The following ABCG5 variants were observed in gnomAD, a reference collection of about 807,000 sequenced individuals.
The protein encoded by ABCG5 is ATP binding cassette subfamily G member 5.
Under a neutral mutation model 64.5 loss-of-function variants are expected in ABCG5, and 64 were observed. The observed-to-expected ratio is 0.99, with a 90% CI of 0.81 to 1.22. The LOEUF is 1.22. ABCG5 is among the 50% of genes most tolerant of loss of function. ABCG5 has a pLI of 0.00. For missense variants in ABCG5, 908 were observed against 829.5 expected (o/e 1.09, Z -1.16); for synonymous variants, 385 against 326.3 (o/e 1.18, Z -1.94).
rs780435724 is a variant in ABCG5 at position 43,819,980 on chromosome 2, A to G, written c.1584T>C (p.Asn528=). The G allele has an allele frequency of 9.3e-6, 15 of 1,614,058 alleles. No homozygotes were observed. Among genetic ancestry groups the G allele is most frequent in the South Asian group, 2.2e-5 (2 of 91,086 alleles). The change falls in exon 11 of 13, where the codon AAT becomes AAC. Residue 528 remains asparagine, a synonymous_variant. Transcript: ENST00000405322. ...LVLLGIVQNP[N]IVNSVVALLS... ...GCAGAGCCACTACACTGTTGACTAT[A>G]TTTGGATTTTGGACGATACCAAGTA...
In ABCG5 at chr2:43,824,313, T is replaced by C. The variant is rs1478503425; in HGVS notation, c.1024A>G (p.Ile342Val). ...GTTTTCAGGTGTTTCATTCTTTCAA[T>C]ATTCTTCAAAGTTTTATGACAAATT... Reference protein sequence around the residue: ...SAICHKTLKNIERMKHLKTLP... With the variant: ...SAICHKTLKNVERMKHLKTLP... The change falls in exon 8 of 13, where the codon ATT becomes GTT. Residue 342 changes from isoleucine (I) to valine (V), a missense_variant. Coordinates refer to ENST00000405322, the MANE Select transcript of ABCG5 (RefSeq NM_022436.3). The C allele has an allele frequency of 6.2e-7, 1 of 1,614,078 alleles. No individual in the cohort carries two copies. The highest frequency in any genetic ancestry group is 1.3e-5 in the African/African-American group (1 of 74,922).
Position 43,824,944 on chromosome 2 carries a change from GAAAT to G in ABCG5, c.845_848del (p.Asp282AlafsTer22). 1 of 1,614,094 alleles carries G rather than the reference GAAAT, an allele frequency of 6.2e-7. No individual in the cohort carries two copies. The highest frequency in any genetic ancestry group is 2.2e-5 in the East Asian group (1 of 44,834). On this transcript the variant is annotated frameshift_variant, in exon 7 of 13. Coordinates refer to ENST00000405322, the MANE Select transcript of ABCG5 (RefSeq NM_022436.3). LOFTEE classifies it high-confidence loss of function. ...GACAAGGGTAACCGCAGTCATTGAA[GAAAT>G]CAAGCATTTCCGCTGGCGTGCCACA...
At chr2:43,827,091 A>C (rs1233878507) in intron 5 of ABCG5, among the ~76,000 whole-genome samples, 1 of 152,154 alleles carries the variant, frequency 6.6e-6, no homozygotes, top group East Asian at 1.9e-4. Context: ...TTGGGAGGTC[A>C]AGGCAGGCAG....
chr2:43,832,426 A>G, intron 2 of ABCG5: 1 of 397,166 alleles, frequency 2.5e-6, no homozygotes, highest in Non-Finnish European at 4.7e-6. Flanking sequence ...AGGTATCAGA[A>G]TAAGAGGAAA....
intron 5 of ABCG5, among the ~76,000 whole-genome samples, chr2:43,827,707 A>G (rs1667704810): frequency 6.6e-6 from 1 of 152,218 alleles, no homozygotes; most frequent in Non-Finnish European, 1.5e-5. Flanking sequence ...TGGCAGGGCA[A>G]GGCTCCATAT....
At chr2:43,809,021 C>A (rs1025176303), downstream of ABCG5, among the ~76,000 whole-genome samples, 9 of 151,926 alleles carry the variant, frequency 5.9e-5, no homozygotes, top group Admixed American at 5.9e-4. Flanking sequence ...CAGGATCTCA[C>A]TCTGTCACCC....
the ABCG5 span, among the ~76,000 whole-genome samples, chr2:43,806,983 C>T: frequency 4.6e-5 from 7 of 152,130 alleles, no homozygotes; most frequent in Non-Finnish European, 1.0e-4. Context: ...CGAATTGATT[C>T]CAGATTGCAC....
At chr2:43,815,490 A>G (rs1666758187) in intron 11 of ABCG5, among the ~76,000 whole-genome samples, 1 of 152,228 alleles carries the variant, frequency 6.6e-6, no homozygotes, top group South Asian at 2.1e-4. Flanking sequence ...ATGTTCTTGT[A>G]TTTAGTATTT....
chr2:43,835,258 TTCTGAGCATTGGCCTTTGGGGTGCAC>T (rs1668192536), intron 2 of ABCG5, among the ~76,000 whole-genome samples: 1 of 50,064 alleles, frequency 2.0e-5, no homozygotes, highest in African/African-American at 1.1e-4. Flanking sequence ...TGGGGTGCAC[TTCTGAGCATTGGCCTTTGGGGTGCAC>T]TTCTGAGATG....
chr2:43,838,248 G>C lies in ABCG5; in HGVS notation c.143+289C>G, dbSNP rs1668408094. Reference sequence around the variant, plus strand: ...GGTTTCAAGACTCCTTGCATTCGCAGTACCCCCATTCCCATCCACAGAGGG... The same window carrying C: ...GGTTTCAAGACTCCTTGCATTCGCACTACCCCCATTCCCATCCACAGAGGG... On this transcript the variant is annotated intron_variant, in intron 1 of 12. Coordinates refer to ENST00000405322, the MANE Select transcript of ABCG5 (RefSeq NM_022436.3). The surrounding 1 kb of genome is among the most constrained non-coding windows in gnomAD (Gnocchi z 4.2). The C allele has an allele frequency of 3.4e-6, 2 of 595,106 alleles. No individual in the cohort carries two copies. The highest frequency in any genetic ancestry group is 4.0e-5 in the South Asian group (2 of 50,102). 36.9% of individuals were successfully genotyped at this position (595,106 alleles called of 1,614,324 possible).
At position 43,831,985 on chromosome 2, in the gene ABCG5, G is replaced by A. The variant is rs376227258; in HGVS notation, c.364C>T (p.Arg122Trp). The change falls in exon 3 of 13, where the codon CGG (arginine) becomes TGG (tryptophan). Residue 122 changes from arginine to tryptophan, a missense_variant. Arg to Trp is a moderately radical substitution (Grantham distance 101). Transcript: ENST00000405322. ...EVYVNGRALRREQFQDCFSYV... is the reference protein window; with the variant it reads ...EVYVNGRALRWEQFQDCFSYV... ...GAGAAGCAGTCCTGGAACTGCTCCCGGCGCAGCGCCCGGCCGTTCACATAC... is the reference window on the plus strand; with the variant it reads ...GAGAAGCAGTCCTGGAACTGCTCCCAGCGCAGCGCCCGGCCGTTCACATAC... 1.4e-5 allele frequency: 21 copies of A among 1,553,816 alleles called. No individual in the cohort carries two copies. The highest frequency in any genetic ancestry group is 2.7e-5 in the African/African-American group (2 of 73,404).
At chr2:43,833,701 T>A (rs1305225506) in intron 2 of ABCG5, among the ~76,000 whole-genome samples, 1 of 150,316 alleles carries the variant, frequency 6.7e-6, no homozygotes, top group Non-Finnish European at 1.5e-5. Flanking sequence ...TATTTATTTA[T>A]TGAGATGGAG....
chr2:43,839,068 G>A (rs200951677), upstream of ABCG5: 29 of 1,551,100 alleles, frequency 1.9e-5, no homozygotes, highest in East Asian at 2.0e-4. Context: ...CCGGGAAGGC[G>A]GCAGAGGAGA....
In ABCG5 at chr2:43,813,106, A is replaced by G. The variant is rs886332416; in HGVS notation, c.*10T>C. 1.9e-6 allele frequency: 2 copies of G among 1,073,248 alleles called. No homozygotes were observed. Among genetic ancestry groups the G allele is most frequent in the South Asian group, 1.2e-5 (1 of 80,234 alleles). The allele number at this position is 1,073,248 out of a possible 1,614,324, so 66.5% of individuals were successfully genotyped here. A position where few individuals can be genotyped will look rare whatever the true frequency, so the allele number is the denominator to read the frequency against. On this transcript the variant is annotated 3_prime_UTR_variant, in exon 13 of 13. Coordinates refer to ENST00000405322, the MANE Select transcript of ABCG5 (RefSeq NM_022436.3). ...CAGCTTCACTTCCATTTTCCCAGCC[A>G]TGGCTTTCACTACCTGCTAATGAGA...
chr2:43,830,686 TCTC>T (rs4148197), intron 4 of ABCG5, among the ~76,000 whole-genome samples: 9,842 of 152,244 alleles, frequency 0.065, 373 homozygotes, highest in African/African-American at 0.075. Flanking sequence ...TATCGGGAGT[TCTC>T]CTGCTCCCAG....
At chr2:43,813,403 G>T in intron 12 of ABCG5, 94 bp from the exon 13 acceptor site, 2 of 859,338 alleles carry the variant, frequency 2.3e-6, no homozygotes, top group Non-Finnish European at 3.8e-6. Context: ...TACCCTTAAT[G>T]AAAAATACAG....
At position 43,817,930 on chromosome 2, in the gene ABCG5, A is replaced by C. The variant is rs571199325; in HGVS notation, c.1649+1985T>G. ...CTCTCAAAACAAACAAACAAACAAA[A>C]AAACACATGTAAGACACCTAGCCCA... is the stretch of plus-strand genomic sequence containing the variant. On this transcript the variant is annotated intron_variant, in intron 11 of 12. Coordinates refer to ENST00000405322, the MANE Select transcript of ABCG5 (RefSeq NM_022436.3). 7.9e-5 allele frequency among the ~76,000 whole-genome samples: 12 copies of C among 152,174 alleles called. No individual in the cohort carries two copies. The South Asian group carries it at 1.2e-3, about 16-fold the overall frequency.
At chr2:43,808,964 TACACAC>T (rs56090427), downstream of ABCG5, among the ~76,000 whole-genome samples, 9,551 of 145,476 alleles carry the variant, frequency 0.066, 638 homozygotes, top group African/African-American at 0.17. Context: ...GGACAAAGGA[TACACAC>T]ACACACACAC....
chr2:43,823,625 G>A (rs1247756607), intron 9 of ABCG5, among the ~76,000 whole-genome samples: 1 of 152,112 alleles, frequency 6.6e-6, no homozygotes, highest in Non-Finnish European at 1.5e-5. Flanking sequence ...TGGCCAAGAT[G>A]AGATAGGAGG....
Sources: gnomAD v4.1 joint callset for allele counts (sites outside exome capture counted in the v4.1 genomes callset) on GRCh38, gnomAD v4.1.1 for gene constraint, Gnocchi (gnomAD v3.1) non-coding constraint, MANE v1.5 for transcripts, NCBI Gene and HGNC (gene_info 2026-07-23, HGNC 2026-07-21) for gene names.